The following LINGO1 variants were observed in gnomAD, a reference collection of about 807,000 sequenced individuals.
LINGO1 encodes the protein leucine rich repeat and Ig domain containing 1.
LINGO1 carries 11 observed loss-of-function variants against 37.3 expected under a neutral mutation model. The observed-to-expected ratio is 0.29, with a 90% CI of 0.19 to 0.49. The LOEUF is 0.49. LINGO1 is among the 20% of genes least tolerant of loss of function. The probability of loss-of-function intolerance (pLI) is 0.99; values close to 1 mark genes in which losing one functional copy is unlikely to be tolerated. For synonymous variants in LINGO1, 387 were observed against 403.0 expected (o/e 0.96, Z 0.48); for missense variants, 585 against 878.2 (o/e 0.67, Z 4.22).
At chr15:77,776,581 A>C (rs1324640406) in intron 1 of LINGO1, among the ~76,000 whole-genome samples, 2 of 122,924 alleles carry the variant, frequency 1.6e-5, no homozygotes, top group African/African-American at 6.2e-5. Flanking sequence ...CAGAGCCCTC[A>C]ACTTTGGGGC....
intron 3 of LINGO1, among the ~76,000 whole-genome samples, chr15:77,665,223 A>G (rs2075104464): frequency 6.6e-6 from 1 of 152,186 alleles, no homozygotes; most frequent in Non-Finnish European, 1.5e-5. Context: ...GCCAGCACTC[A>G]AGGCCCCTTG....
At chr15:77,814,036 A>T (rs61326106) in intron 1 of LINGO1, among the ~76,000 whole-genome samples, 1,587 of 151,706 alleles carry the variant, frequency 0.01, 22 homozygotes, top group African/African-American at 0.031. Flanking sequence ...GCTGGGGCAG[A>T]TGAGAAATAC....
chr15:77,619,033 A>G (rs147269504), intron 1 of LINGO1, among the ~76,000 whole-genome samples: 3 of 152,390 alleles, frequency 2.0e-5, no homozygotes, highest in Admixed American at 6.5e-5. Context: ...CCAGTCAGGA[A>G]AGAATGCCAC....
intron 1 of LINGO1, among the ~76,000 whole-genome samples, chr15:77,748,855 C>CTTAT (rs71145856): frequency 0.19 from 24,510 of 128,574 alleles, 2,789 homozygotes; most frequent in Middle Eastern, 0.31. Flanking sequence ...GGCCCCTAGC[C>CTTAT]TTATTTATTT....
intron 3 of LINGO1, among the ~76,000 whole-genome samples, chr15:77,652,481 A>AGGGTGTGTGT (rs1490464576): frequency 1.8e-5 from 1 of 56,296 alleles, no homozygotes; most frequent in African/African-American, 7.8e-5. Context: ...CTGGGGAGGG[A>AGGGTGTGTGT]GAGTGTGTGT....
intron 1 of LINGO1, among the ~76,000 whole-genome samples, chr15:77,782,398 T>C (rs1233089105): frequency 6.6e-6 from 1 of 152,188 alleles, no homozygotes; most frequent in Non-Finnish European, 1.5e-5. Flanking sequence ...GTCTAAAGAC[T>C]GCGGTGAGCC....
chr15:77,722,343 C>T (rs2076059259), intron 2 of LINGO1, among the ~76,000 whole-genome samples: 2 of 152,204 alleles, frequency 1.3e-5, no homozygotes, highest in South Asian at 4.1e-4. Flanking sequence ...GCCAGGAGCT[C>T]CTTGCCCTAG....
chr15:77,811,965 C>G (rs937329828), intron 1 of LINGO1, among the ~76,000 whole-genome samples: 3 of 151,144 alleles, frequency 2.0e-5, no homozygotes, highest in Non-Finnish European at 4.4e-5. Context: ...AAAAATAGCA[C>G]AGTCACGTGA....
At chr15:77,806,402 G>A (rs2076959869) in intron 1 of LINGO1, among the ~76,000 whole-genome samples, 1 of 152,192 alleles carries the variant, frequency 6.6e-6, no homozygotes, top group Admixed American at 6.5e-5. Flanking sequence ...AGAGGGTCGA[G>A]GGCGGAGGGG....
intron 1 of LINGO1, among the ~76,000 whole-genome samples, chr15:77,621,312 C>A (rs2073911370): frequency 1.3e-5 from 2 of 152,234 alleles, no homozygotes; most frequent in African/African-American, 4.8e-5. Context: ...ACCTCAGCCT[C>A]CCAAAGTGCT....
chr15:77,776,808 A>C (rs1357255327), intron 1 of LINGO1, among the ~76,000 whole-genome samples: 3 of 152,182 alleles, frequency 2.0e-5, no homozygotes, highest in Non-Finnish European at 2.9e-5. Flanking sequence ...CATTCTAAGC[A>C]TTGTACATAT....
At chr15:77,686,430 G>C (rs185698833) in intron 2 of LINGO1, among the ~76,000 whole-genome samples, 1 of 152,344 alleles carries the variant, frequency 6.6e-6, no homozygotes, top group East Asian at 1.9e-4. Context: ...ATGCAGGCCT[G>C]GGGGAAGGCA....
intron 2 of LINGO1, among the ~76,000 whole-genome samples, chr15:77,733,502 C>T (rs779247683): frequency 2.2e-4 from 33 of 152,316 alleles, no homozygotes; most frequent in Admixed American, 1.5e-3. Context: ...CAACCATAGC[C>T]CTCCTCTCAG....
intron 1 of LINGO1, chr15:77,786,749 G>C (rs1429331032): frequency 6.6e-6 from 1 of 152,390 alleles, no homozygotes; most frequent in Non-Finnish European, 1.5e-5. Context: ...GGCCACTGAG[G>C]GGAGGGGCTT....
chr15:77,618,035 C>A (rs1220722981), intron 1 of LINGO1, among the ~76,000 whole-genome samples: 2 of 152,216 alleles, frequency 1.3e-5, no homozygotes, highest in Non-Finnish European at 2.9e-5. Context: ...CAGTGACCCA[C>A]CAGAAAAGCA....
intron 1 of LINGO1, among the ~76,000 whole-genome samples, chr15:77,816,537 A>C (rs1231044791): frequency 1.3e-5 from 2 of 152,208 alleles, no homozygotes; most frequent in African/African-American, 4.8e-5. Context: ...TTAAAACACA[A>C]ATATAGCAGG....
At chr15:77,685,440 C>T (rs1026283676) in intron 2 of LINGO1, among the ~76,000 whole-genome samples, 1 of 152,134 alleles carries the variant, frequency 6.6e-6, no homozygotes, top group Non-Finnish European at 1.5e-5. Context: ...AGGCAGTGGA[C>T]ATGTCTGGGG....
intron 1 of LINGO1, among the ~76,000 whole-genome samples, chr15:77,760,429 G>GT (rs1231622516): frequency 4.6e-5 from 7 of 152,232 alleles, no homozygotes; most frequent in African/African-American, 1.2e-4. Context: ...CTGCTCAGTG[G>GT]TTTTTTAAAA....
chr15:77,796,295 T>C (rs940190305), intron 1 of LINGO1, among the ~76,000 whole-genome samples: 2 of 152,086 alleles, frequency 1.3e-5, no homozygotes, highest in Non-Finnish European at 2.9e-5. Flanking sequence ...CATGCCCACA[T>C]GTGCGTGCGG....
Sources: allele counts gnomAD v4.1 joint callset (sites outside exome capture counted in the v4.1 genomes callset), GRCh38; gene constraint gnomAD v4.1.1; transcripts MANE v1.5; gene names NCBI Gene and HGNC (gene_info 2026-07-23, HGNC 2026-07-21).